Variants in ERC2 observed in about 807,000 individuals in gnomAD.
ERC2 encodes ERC protein 2.
Under a neutral mutation model 114.8 loss-of-function variants are expected in ERC2, and 42 were observed. The observed-to-expected ratio is 0.37, with a 90% CI of 0.29 to 0.47. The LOEUF (loss-of-function observed/expected upper bound fraction) is 0.47, where lower values mean the gene tolerates loss of function less well. Ranked by LOEUF, ERC2 falls within the 20% of genes least tolerant of loss-of-function variation. ERC2 has a pLI of 0.99. For synonymous variants in ERC2, 454 were observed against 425.5 expected (o/e 1.07, Z -0.82); for missense variants, 939 against 1,150.7 (o/e 0.82, Z 2.66).
At chr3:55,653,822 T>C (rs1012414855) in intron 17 of ERC2, among the ~76,000 whole-genome samples, 3 of 152,228 alleles carry the variant, frequency 2.0e-5, no homozygotes, top group African/African-American at 7.2e-5. Flanking sequence ...GCGCTCTCTA[T>C]GGTGATTACT....
intron 17 of ERC2, among the ~76,000 whole-genome samples, chr3:55,541,757 G>A (rs1167242): frequency 0.65 from 99,327 of 152,064 alleles, 32,735 homozygotes; most frequent in East Asian, 0.77. Flanking sequence ...AAAGCCAGGC[G>A]AGGACTGTCA....
intron 14 of ERC2, among the ~76,000 whole-genome samples, chr3:55,863,009 C>T (rs1421718596): frequency 6.6e-6 from 1 of 152,150 alleles, no homozygotes; most frequent in Non-Finnish European, 1.5e-5. Flanking sequence ...GTCCTTTAAA[C>T]CCTCCACTTC....
At chr3:56,051,794 C>G (rs546467485) in intron 7 of ERC2, among the ~76,000 whole-genome samples, 114 of 150,962 alleles carry the variant, frequency 7.6e-4, no homozygotes, top group Non-Finnish European at 1.3e-3. Flanking sequence ...CCACTGCACT[C>G]CAGCCTGGCG....
intron 13 of ERC2, among the ~76,000 whole-genome samples, chr3:55,906,581 C>T (rs555806566): frequency 2.0e-5 from 3 of 152,286 alleles, no homozygotes; most frequent in African/African-American, 7.2e-5. Context: ...TGCGGTCCAA[C>T]AATATGTGTT....
chr3:56,372,263 C>T (rs1432561805), intron 2 of ERC2, among the ~76,000 whole-genome samples: 3 of 152,180 alleles, frequency 2.0e-5, no homozygotes, highest in Non-Finnish European at 4.4e-5. Context: ...ATTGCTAAGG[C>T]TAATTATTAT....
At chr3:55,896,748 A>G (rs2063858605) in intron 13 of ERC2, among the ~76,000 whole-genome samples, 1 of 152,244 alleles carries the variant, frequency 6.6e-6, no homozygotes, top group Non-Finnish European at 1.5e-5. Flanking sequence ...CATTTTTAAA[A>G]TACATTGGCT....
chr3:55,876,615 C>T (rs1411000467), intron 14 of ERC2, among the ~76,000 whole-genome samples: 2 of 152,154 alleles, frequency 1.3e-5, no homozygotes, highest in East Asian at 3.8e-4. Flanking sequence ...CAGGACCAGC[C>T]CAACCCTTGA....
At chr3:56,216,863 G>T (rs1325198803) in intron 3 of ERC2, among the ~76,000 whole-genome samples, 1 of 152,098 alleles carries the variant, frequency 6.6e-6, no homozygotes, top group Non-Finnish European at 1.5e-5. Flanking sequence ...AAATAATCCA[G>T]CATATAAACA....
chr3:56,124,657 G>A (rs532640552), intron 6 of ERC2, among the ~76,000 whole-genome samples: 50 of 152,318 alleles, frequency 3.3e-4, no homozygotes, highest in African/African-American at 1.1e-3. Context: ...AGTCAATTTA[G>A]AGAACAATTC....
At chr3:56,456,462 A>G (rs2063066094) in intron 1 of ERC2, among the ~76,000 whole-genome samples, 1 of 152,242 alleles carries the variant, frequency 6.6e-6, no homozygotes. Context: ...CATGTTAAAA[A>G]GGGAAGCTCT....
chr3:55,690,239 C>T (rs1559503979), intron 16 of ERC2, among the ~76,000 whole-genome samples: 1 of 152,186 alleles, frequency 6.6e-6, no homozygotes, highest in Non-Finnish European at 1.5e-5. Context: ...ATGCTTCCTA[C>T]TCCCTTTCCT....
intron 2 of ERC2, among the ~76,000 whole-genome samples, chr3:56,405,996 G>A (rs780012036): frequency 8.3e-5 from 12 of 145,196 alleles, no homozygotes; most frequent in African/African-American, 1.8e-4. Flanking sequence ...AGGTTCAAGC[G>A]AGTCTCGTGT....
At chr3:55,538,824 C>T (rs771702227) in intron 17 of ERC2, among the ~76,000 whole-genome samples, 13 of 152,122 alleles carry the variant, frequency 8.5e-5, no homozygotes, top group South Asian at 2.1e-4. Flanking sequence ...TGCTTTTAAC[C>T]GCCTATTAAT....
At chr3:55,834,699 A>G (rs1425527212) in intron 14 of ERC2, among the ~76,000 whole-genome samples, 1 of 147,764 alleles carries the variant, frequency 6.8e-6, no homozygotes, top group Non-Finnish European at 1.5e-5. Context: ...CAATTAAAAG[A>G]ACTAGAAAAG....
chr3:56,172,861 G>A (rs997139414), intron 4 of ERC2, among the ~76,000 whole-genome samples: 5 of 152,112 alleles, frequency 3.3e-5, no homozygotes, highest in African/African-American at 1.2e-4. Context: ...CTCTCAGAAG[G>A]ATTTTTCTAT....
At chr3:56,002,980 G>T in intron 10 of ERC2, 3 of 628,892 alleles carry the variant, frequency 4.8e-6, no homozygotes, top group Non-Finnish European at 7.4e-6. Flanking sequence ...TTGACAGAAC[G>T]GAAAGGGGAA....
rs373013414 is a variant in ERC2, at chr3:56,406,885, A to C, written c.657+27466T>G. On this transcript the variant is annotated intron_variant, in intron 2 of 17. Transcript: ENST00000288221. Reference sequence around the variant, plus strand: ...AGGCATGGAAAGAACAAACTAAAAAAAGTTTTAAAAATCCAGACAGACAAT... The same window carrying C: ...AGGCATGGAAAGAACAAACTAAAAACAGTTTTAAAAATCCAGACAGACAAT... Among the ~76,000 whole-genome samples, 134 of 152,370 alleles carry C rather than the reference A, an allele frequency of 8.8e-4. 2 individuals are homozygous for C. In the South Asian group the frequency reaches 0.018, roughly 20 times the overall value.
chr3:56,273,883 A>G (rs915349075), intron 3 of ERC2, among the ~76,000 whole-genome samples: 3 of 152,236 alleles, frequency 2.0e-5, no homozygotes, highest in Non-Finnish European at 2.9e-5. Flanking sequence ...CATGATCTCC[A>G]TGATAAAAAT....
chr3:56,353,066 G>T (rs2058610802), intron 2 of ERC2, among the ~76,000 whole-genome samples: 1 of 152,136 alleles, frequency 6.6e-6, no homozygotes, highest in Non-Finnish European at 1.5e-5. Context: ...CATGAGTCTA[G>T]GAGGCAAGGG....
Sources: allele counts gnomAD v4.1 joint callset (sites outside exome capture counted in the v4.1 genomes callset), GRCh38; gene constraint gnomAD v4.1.1; transcripts MANE v1.5; gene names NCBI Gene and HGNC (gene_info 2026-07-23, HGNC 2026-07-21).